PDK1: variants seen among roughly 807,000 people sequenced by gnomAD.
PDK1 encodes the protein pyruvate dehydrogenase kinase 1, also known as [Pyruvate dehydrogenase (acetyl-transferring)] kinase isozyme 1, mitochondrial.
A neutral mutation model predicts 54.2 loss-of-function variants in PDK1; 39 were observed. That is an observed-to-expected ratio of 0.72 (90% confidence interval 0.56 to 0.94). The LOEUF (loss-of-function observed/expected upper bound fraction) is 0.94. PDK1 is among the 40% of genes least tolerant of loss of function. The pLI is 0.00. For missense variants in PDK1, 552 were observed against 566.0 expected, an observed-to-expected ratio of 0.98 and a Z score of 0.25; for synonymous variants, 221 against 207.1, an observed-to-expected ratio of 1.07 and a Z score of -0.58.
Position 172,556,418 on chromosome 2 carries a change from C to T in PDK1, c.196+72C>T, listed in dbSNP as rs557116444. 14 of 1,184,786 alleles carry T rather than the reference C, an allele frequency of 1.2e-5. No homozygotes were observed. The East Asian group carries it at 3.3e-4, about 28-fold the overall frequency. 73.4% of individuals were successfully genotyped at this position (1,184,786 alleles called of 1,614,324 possible). A position where few individuals can be genotyped will look rare whatever the true frequency, so the allele number is the denominator to read the frequency against. On this transcript the variant is annotated intron_variant, in intron 1 of 10. Coordinates refer to ENST00000282077, the MANE Select transcript of PDK1 (RefSeq NM_002610.5). ...GGGAGCTGCGGCCGCTGCCCCAGGC[C>T]GGGTCGGCGCCGGCCAGCTCTCGCC...
At chr2:172,592,125 G>A (rs765949610) in intron 9 of PDK1, among the ~76,000 whole-genome samples, 3 of 152,188 alleles carry the variant, frequency 2.0e-5, no homozygotes, top group Non-Finnish European at 4.4e-5. Context: ...GGAAAGCTAC[G>A]GGTTGTCAGT....
chr2:172,630,641 T>C, the PDK1 span, among the ~76,000 whole-genome samples: 1 of 152,064 alleles, frequency 6.6e-6, no homozygotes, highest in Non-Finnish European at 1.5e-5. Flanking sequence ...AATTTTTTTT[T>C]TTTTTTGAGA....
Position 172,607,530 on chromosome 2 carries a change from A to G in PDK1, c.*11561A>G, listed in dbSNP as rs1691337135. 1 of 152,210 alleles carries G rather than the reference A, an allele frequency of 6.6e-6. No homozygotes were observed. Among genetic ancestry groups the G allele is most frequent in the South Asian group, 2.1e-4 (1 of 4,828 alleles). The allele number at this position is 152,210 out of a possible 1,614,324, so 9.4% of individuals were successfully genotyped here. A position where few individuals can be genotyped will look rare whatever the true frequency, so the allele number is the denominator to read the frequency against. On this transcript the variant is annotated 3_prime_UTR_variant, in exon 11 of 11. Coordinates refer to ENST00000282077, the MANE Select transcript of PDK1 (RefSeq NM_002610.5). Reference sequence around the variant, plus strand: ...GTTACCCTGAGACAAGCCAACTGTCATTGCTTTAGCAACCACTACGGCTAC... The same window carrying G: ...GTTACCCTGAGACAAGCCAACTGTCGTTGCTTTAGCAACCACTACGGCTAC...
the PDK1 span, among the ~76,000 whole-genome samples, chr2:172,670,239 A>T: frequency 6.6e-6 from 1 of 152,168 alleles, no homozygotes; most frequent in African/African-American, 2.4e-5. Context: ...AAATTTGTAA[A>T]TTTTACACAG....
At chr2:172,557,387 T>C (rs987622465) in intron 1 of PDK1, among the ~76,000 whole-genome samples, 2 of 152,208 alleles carry the variant, frequency 1.3e-5, no homozygotes, top group African/African-American at 4.8e-5. Flanking sequence ...ACTGGAATAA[T>C]AAGACCTTTT....
the PDK1 span, among the ~76,000 whole-genome samples, chr2:172,643,604 A>G: frequency 1.3e-5 from 2 of 152,144 alleles, no homozygotes; most frequent in Admixed American, 1.3e-4. Flanking sequence ...CAGTGTGTGC[A>G]CCCCTAGACT....
chr2:172,685,192 A>G, the PDK1 span, among the ~76,000 whole-genome samples: 2 of 152,200 alleles, frequency 1.3e-5, no homozygotes, highest in Non-Finnish European at 2.9e-5. Flanking sequence ...TCTTTATAGC[A>G]GTGTGAAAAC....
chr2:172,669,051 ATTTTTTTT>A, the PDK1 span, among the ~76,000 whole-genome samples: 1 of 70,550 alleles, frequency 1.4e-5, no homozygotes, highest in Non-Finnish European at 2.6e-5. Flanking sequence ...GAATTTCCTG[ATTTTTTTT>A]TTTTTTTTTT....
chr2:172,649,417 G>A, the PDK1 span, among the ~76,000 whole-genome samples: 2 of 152,182 alleles, frequency 1.3e-5, no homozygotes, highest in African/African-American at 2.4e-5. Flanking sequence ...AAAAATCAGA[G>A]TGCCTCTTCT....
At chr2:172,642,185 A>G in the PDK1 span, among the ~76,000 whole-genome samples, 1 of 152,112 alleles carries the variant, frequency 6.6e-6, no homozygotes, top group Non-Finnish European at 1.5e-5. Context: ...TGTTTGTTTG[A>G]TTGTAGGAAA....
At chr2:172,625,499 C>T in the PDK1 span, among the ~76,000 whole-genome samples, 1 of 152,164 alleles carries the variant, frequency 6.6e-6, no homozygotes, top group Non-Finnish European at 1.5e-5. Flanking sequence ...TTATCTCCTG[C>T]TAGTCCCTGC....
the PDK1 span, among the ~76,000 whole-genome samples, chr2:172,650,825 A>G: frequency 6.6e-6 from 1 of 152,366 alleles, no homozygotes; most frequent in African/African-American, 2.4e-5. Context: ...ACCCAGATTC[A>G]TAAAGCAAGT....
At chr2:172,570,534 T>G (rs1689187966) in intron 7 of PDK1, 192 bp from the exon 8 acceptor site, 1 of 442,766 alleles carries the variant, frequency 2.3e-6, no homozygotes, top group African/African-American at 2.0e-5. Flanking sequence ...AGTCTTTAGG[T>G]CAGAATATCC....
chr2:172,654,631 G>C, the PDK1 span, among the ~76,000 whole-genome samples: 1 of 151,818 alleles, frequency 6.6e-6, no homozygotes. Context: ...GCTGGGGGAG[G>C]AATAGCATTA....
chr2:172,621,571 TTA>T, the PDK1 span, among the ~76,000 whole-genome samples: 8 of 146,912 alleles, frequency 5.4e-5, no homozygotes, highest in South Asian at 1.1e-3. Flanking sequence ...TATATTTATA[TTA>T]TATATGATAT....
At chr2:172,642,122 A>C in the PDK1 span, among the ~76,000 whole-genome samples, 9 of 152,304 alleles carry the variant, frequency 5.9e-5, no homozygotes, top group East Asian at 1.7e-3. Context: ...AACATACCCC[A>C]TCGGCACTGC....
chr2:172,579,704 CTT>C (rs11303240), intron 8 of PDK1, among the ~76,000 whole-genome samples: 9 of 145,550 alleles, frequency 6.2e-5, no homozygotes, highest in South Asian at 2.2e-4. Context: ...GAGTTTTTAA[CTT>C]TTTTTTTTTT....
At position 172,607,669 on chromosome 2, in the gene PDK1, C is replaced by T. The variant is rs760963458; in HGVS notation, c.*11700C>T. 6.6e-6 allele frequency: 1 copy of T among 152,258 alleles called. No homozygotes were observed. The highest frequency in any genetic ancestry group is 1.5e-5 in the Non-Finnish European group (1 of 68,104). The allele number at this position is 152,258 out of a possible 1,614,324, so 9.4% of individuals were successfully genotyped here. The stretch of plus-strand genomic sequence containing the variant: ...TACTAGGAAGGAGGTTGGCCAAACT[C>T]AGAGTGGAGGCTGACCCTGTATCTG... On this transcript the variant is annotated 3_prime_UTR_variant, in exon 11 of 11. Transcript: ENST00000282077.
the PDK1 span, among the ~76,000 whole-genome samples, chr2:172,616,085 T>G: frequency 6.6e-6 from 1 of 152,188 alleles, no homozygotes; most frequent in Non-Finnish European, 1.5e-5. Context: ...TTATATCCCT[T>G]AGACTAAAGG....
Sources: gnomAD v4.1 joint callset for allele counts (sites outside exome capture counted in the v4.1 genomes callset) on GRCh38, gnomAD v4.1.1 for gene constraint, MANE v1.5 for transcripts, NCBI Gene and HGNC (gene_info 2026-07-23, HGNC 2026-07-21) for gene names.